PLCZ1: variants seen among roughly 807,000 people sequenced by gnomAD.
The protein encoded by PLCZ1 is phospholipase C zeta 1.
PLCZ1 carries 64 observed loss-of-function variants against 76.8 expected under a neutral mutation model. That is an observed-to-expected ratio of 0.83 (90% confidence interval 0.68 to 1.03). The LOEUF is 1.03. Among genes scored for constraint, PLCZ1 ranks in the 50% least tolerant of loss-of-function variants. PLCZ1 has a pLI of 0.00. For synonymous variants in PLCZ1, 248 were observed against 230.8 expected (o/e 1.07, Z -0.68); for missense variants, 751 against 713.7 (o/e 1.05, Z -0.60).
chr12:18,708,209 G>A (rs908735663), intron 6 of PLCZ1, among the ~76,000 whole-genome samples: 1 of 151,928 alleles, frequency 6.6e-6, no homozygotes, highest in Non-Finnish European at 1.5e-5. Flanking sequence ...CCACTGTTTG[G>A]TTATCTATCT....
At chr12:18,688,899 A>G (rs572501247) in intron 12 of PLCZ1, among the ~76,000 whole-genome samples, 22 of 152,210 alleles carry the variant, frequency 1.4e-4, no homozygotes, top group African/African-American at 5.1e-4. Context: ...CATAATTCCA[A>G]TTTCTGAAGG....
intron 6 of PLCZ1, among the ~76,000 whole-genome samples, chr12:18,709,128 T>C (rs1956989959): frequency 6.6e-6 from 1 of 152,128 alleles, no homozygotes; most frequent in East Asian, 1.9e-4. Context: ...TGTTCCCTTT[T>C]AGGGTTTTCA....
chr12:18,693,578 C>A, intron 12 of PLCZ1: 1 of 1,596,510 alleles, frequency 6.3e-7, no homozygotes, highest in Non-Finnish European at 8.6e-7. Flanking sequence ...CAAACTCGGA[C>A]GGGAATTGTT....
At chr12:18,699,681 G>A (rs991329983) in intron 10 of PLCZ1, 113 bp downstream of exon 10, 1 of 1,168,034 alleles carries the variant, frequency 8.6e-7, no homozygotes, top group African/African-American at 1.5e-5. Flanking sequence ...TGTTAAATGT[G>A]TTGAAATTTT....
At chr12:18,692,450 A>C (rs1954257386) in intron 12 of PLCZ1, among the ~76,000 whole-genome samples, 1 of 152,128 alleles carries the variant, frequency 6.6e-6, no homozygotes, top group Admixed American at 6.6e-5. Context: ...AAAAAGAAAA[A>C]CGTTTTGAAA....
At chr12:18,735,263 T>C (rs568487626) in intron 3 of PLCZ1, among the ~76,000 whole-genome samples, 1 of 152,346 alleles carries the variant, frequency 6.6e-6, no homozygotes, top group South Asian at 2.1e-4. Flanking sequence ...GATGTTGACC[T>C]TATAAAATAA....
the PLCZ1 span, among the ~76,000 whole-genome samples, chr12:18,662,210 C>A: frequency 6.6e-6 from 1 of 152,006 alleles, no homozygotes; most frequent in Non-Finnish European, 1.5e-5. Context: ...ATAGCATAGG[C>A]ACTATGCTCA....
At chr12:18,651,460 C>A in the PLCZ1 span, among the ~76,000 whole-genome samples, 2 of 152,108 alleles carry the variant, frequency 1.3e-5, no homozygotes, top group Non-Finnish European at 2.9e-5. Context: ...ATTATTTATG[C>A]TTTGTCTCCC....
the PLCZ1 span, among the ~76,000 whole-genome samples, chr12:18,650,932 C>T: frequency 2.0e-5 from 3 of 151,510 alleles, no homozygotes; most frequent in Non-Finnish European, 2.9e-5. Context: ...CCTTTCTATG[C>T]TTACTCTGCT....
the PLCZ1 span, among the ~76,000 whole-genome samples, chr12:18,667,716 T>C: frequency 3.0e-3 from 451 of 152,312 alleles, 4 homozygotes; most frequent in African/African-American, 9.9e-3. Context: ...TAAAAGTCTA[T>C]GAAATAAGCA....
At chr12:18,649,763 T>G in the PLCZ1 span, among the ~76,000 whole-genome samples, 1 of 152,218 alleles carries the variant, frequency 6.6e-6, no homozygotes, top group Non-Finnish European at 1.5e-5. Context: ...GTCAACAGTA[T>G]TGGATACAAT....
chr12:18,723,252 AAAAAG>A, intron 4 of PLCZ1, 54 bp downstream of exon 4: 1 of 1,462,492 alleles, frequency 6.8e-7, no homozygotes, highest in Middle Eastern at 2.0e-4. Context: ...TAATTTTTGA[AAAAAG>A]AAAAAATACT....
intron 11 of PLCZ1, among the ~76,000 whole-genome samples, 199 bp from the exon 12 acceptor site, chr12:18,695,278 G>A (rs1954797477): frequency 6.6e-6 from 1 of 152,134 alleles, no homozygotes; most frequent in Admixed American, 6.6e-5. Context: ...GAGTTGCAAA[G>A]TTTAATCTGT....
intron 6 of PLCZ1, among the ~76,000 whole-genome samples, 162 bp from the exon 7 acceptor site, chr12:18,705,477 CAG>C (rs1956482750): frequency 6.6e-6 from 1 of 152,102 alleles, no homozygotes; most frequent in African/African-American, 2.4e-5. Context: ...TTTGGCAAAA[CAG>C]AGACCATTAA....
intron 5 of PLCZ1, among the ~76,000 whole-genome samples, chr12:18,716,342 C>G (rs1204840758): frequency 6.6e-6 from 1 of 151,988 alleles, no homozygotes; most frequent in Non-Finnish European, 1.5e-5. Flanking sequence ...TTAATTTTAT[C>G]CATGGATCAA....
At position 18,699,968 on chromosome 12, in the gene PLCZ1, TAA is replaced by T; in HGVS notation, c.1018-20_1018-19del. On this transcript the variant is annotated intron_variant, in intron 9 of 14. Coordinates refer to ENST00000266505, the MANE Select transcript of PLCZ1 (RefSeq NM_033123.4). ...TTCCTGGTCTAAAAATAAAATGCAG[TAA>T]TTTTACATTTTTATGCTAATCATTG... 1 of 1,599,490 alleles carries T rather than the reference TAA, an allele frequency of 6.3e-7. No individual in the cohort carries two copies. The highest frequency in any genetic ancestry group is 2.2e-5 in the East Asian group (1 of 44,646).
chr12:18,663,133 A>G, the PLCZ1 span, among the ~76,000 whole-genome samples: 1 of 152,152 alleles, frequency 6.6e-6, no homozygotes, highest in South Asian at 2.1e-4. Flanking sequence ...CAATGTTGAA[A>G]GACTGAAAGC....
chr12:18,665,862 T>C, the PLCZ1 span, among the ~76,000 whole-genome samples: 8 of 149,574 alleles, frequency 5.3e-5, no homozygotes, highest in East Asian at 5.9e-4. Context: ...TTGAACCCAG[T>C]AGGCAGAGGT....
At chr12:18,665,190 T>A in the PLCZ1 span, among the ~76,000 whole-genome samples, 12 of 149,960 alleles carry the variant, frequency 8.0e-5, no homozygotes, top group Non-Finnish European at 1.8e-4. Context: ...TTAAAAAAAA[T>A]AAGAACAAAG....
Sources: allele counts gnomAD v4.1 joint callset (sites outside exome capture counted in the v4.1 genomes callset), GRCh38; gene constraint gnomAD v4.1.1; transcripts MANE v1.5; gene names NCBI Gene and HGNC (gene_info 2026-07-23, HGNC 2026-07-21).